Variants in FAM24B observed in about 807,000 individuals in gnomAD.
The protein encoded by FAM24B is protein FAM24B.
In FAM24B, 3 loss-of-function variants were observed where a neutral mutation model predicts 2.3. The ratio of observed to expected loss-of-function variants is 1.29; its 90% confidence interval spans 0.59 to 3.32. The LOEUF is 3.32. Ranked by LOEUF, FAM24B falls within the 30% of genes most tolerant of loss-of-function variation. The probability of loss-of-function intolerance (pLI) is 0.03; values close to 1 mark genes in which losing one functional copy is unlikely to be tolerated. For synonymous variants in FAM24B, 36 were observed against 46.3 expected (o/e 0.78, Z 0.90); for missense variants, 98 against 117.2 (o/e 0.84, Z 0.76).
intron 1 of FAM24B, among the ~76,000 whole-genome samples, 196 bp from the exon 2 acceptor site, chr10:122,855,982 G>A (rs975187325): frequency 3.3e-5 from 5 of 152,202 alleles, no homozygotes; most frequent in African/African-American, 1.2e-4. Flanking sequence ...GAGCCACCAG[G>A]CTGAGAACAT....
intron 2 of FAM24B, among the ~76,000 whole-genome samples, chr10:122,854,734 G>GT (rs1340002675): frequency 6.6e-5 from 10 of 152,194 alleles, no homozygotes; most frequent in African/African-American, 2.4e-4. Flanking sequence ...GAATCAGTGA[G>GT]TTCAACTTTG....
chr10:122,865,940 G>A (rs1050481176), intron 1 of FAM24B, among the ~76,000 whole-genome samples: 4 of 148,176 alleles, frequency 2.7e-5, no homozygotes, highest in African/African-American at 1.0e-4. Context: ...TGGAGTCTCT[G>A]TTGCCCAGCT....
intron 1 of FAM24B, among the ~76,000 whole-genome samples, chr10:122,870,098 C>T (rs901020516): frequency 2.6e-5 from 4 of 152,022 alleles, no homozygotes; most frequent in Non-Finnish European, 4.4e-5. Context: ...AAATGACAAA[C>T]GGGATATCAC....
intron 1 of FAM24B, among the ~76,000 whole-genome samples, chr10:122,866,988 G>A (rs1566260433): frequency 6.6e-6 from 1 of 152,106 alleles, no homozygotes; most frequent in Non-Finnish European, 1.5e-5. Flanking sequence ...TTACCAAGTT[G>A]GAATGCAAAT....
rs754853891 is a variant in FAM24B, at chr10:122,849,456, C to T, written c.93-17G>A. On this transcript the variant is annotated splice_polypyrimidine_tract_variant and intron_variant, in intron 3 of 3. Transcript: ENST00000368898. ...TTTGCAGCTCTTGAGAAAAGACACA[C>T]ACAAAGCACAGGCTTAGAATTTTTC... is the stretch of plus-strand genomic sequence containing the variant. 1.8e-5 allele frequency: 28 copies of T among 1,595,662 alleles called. 1 individual carries two copies. The South Asian group carries it at 2.7e-4, about 16-fold the overall frequency.
At position 122,850,511 on chromosome 10, in the gene FAM24B, G is replaced by A. The variant is rs1891110; in HGVS notation, c.5C>T (p.Pro2Leu). The change falls in exon 3 of 4, where the codon CCT (proline) becomes CTT (leucine). Residue 2 changes from proline to leucine, a missense_variant. Coordinates refer to ENST00000368898, the MANE Select transcript of FAM24B (RefSeq NM_152644.3). The stretch of plus-strand genomic sequence containing the variant: ...CGCCAGGATACCACCAGCGATGACA[G>A]GCATAATCACTGTATGGAGGTCAAA... MPVIAGGILAAL... is the reference protein window; with the variant it reads MLVIAGGILAAL... 0.55 allele frequency: 879,120 copies of A among 1,608,986 alleles called. 242,110 individuals carry two copies. The highest frequency in any genetic ancestry group is 0.56 in the Non-Finnish European group (652,633 of 1,175,534).
intron 1 of FAM24B, among the ~76,000 whole-genome samples, chr10:122,865,736 A>G (rs2133835242): frequency 6.6e-6 from 1 of 152,164 alleles, no homozygotes; most frequent in East Asian, 1.9e-4. Context: ...AAGTGAACTC[A>G]TCTGGTCCTG....
At chr10:122,862,418 G>A (rs767450089) in intron 1 of FAM24B, among the ~76,000 whole-genome samples, 15 of 152,098 alleles carry the variant, frequency 9.9e-5, no homozygotes, top group Non-Finnish European at 1.9e-4. Flanking sequence ...TTAGAAATCT[G>A]GAGGAGAAAG....
chr10:122,854,792 T>G (rs1847608760), intron 2 of FAM24B, among the ~76,000 whole-genome samples: 1 of 152,192 alleles, frequency 6.6e-6, no homozygotes, highest in African/African-American at 2.4e-5. Context: ...CTATGGAAAT[T>G]CTCTGTAATA....
intron 1 of FAM24B, among the ~76,000 whole-genome samples, chr10:122,871,517 C>G (rs113941390): frequency 7.9e-5 from 12 of 151,356 alleles, no homozygotes; most frequent in African/African-American, 2.9e-4. Context: ...GGAGGCATCA[C>G]GCTACCTGAC....
chr10:122,869,158 A>G (rs1334318282), intron 1 of FAM24B, among the ~76,000 whole-genome samples: 2 of 152,178 alleles, frequency 1.3e-5, no homozygotes, highest in African/African-American at 4.8e-5. Flanking sequence ...AACAGACTTT[A>G]AACCAACAAA....
chr10:122,868,977 G>A (rs1484198731), intron 1 of FAM24B, among the ~76,000 whole-genome samples: 24 of 152,016 alleles, frequency 1.6e-4, no homozygotes, highest in Non-Finnish European at 3.2e-4. Context: ...CAATTAAAAG[G>A]CACAGACTGG....
At chr10:122,854,955 C>T (rs1412151929) in intron 2 of FAM24B, among the ~76,000 whole-genome samples, 1 of 152,238 alleles carries the variant, frequency 6.6e-6, no homozygotes, top group Non-Finnish European at 1.5e-5. Context: ...TCCAAAACTA[C>T]ATAAGCCTGT....
intron 2 of FAM24B, 118 bp from the exon 3 acceptor site, chr10:122,850,668 T>A (rs1191164634): frequency 1.6e-6 from 1 of 615,496 alleles, no homozygotes; most frequent in East Asian, 2.7e-5. Flanking sequence ...TCCTTATGTG[T>A]GTAAAACACA....
At position 122,865,113 on chromosome 10, in the gene FAM24B, T is replaced by C. The variant is rs1589673401; in HGVS notation, c.-177-9327A>G. Among the ~76,000 whole-genome samples the C allele has an allele frequency of 2.0e-5, 3 of 152,350 alleles. No individual in the cohort carries two copies. In the East Asian group the frequency reaches 5.8e-4, roughly 29 times the overall value. On this transcript the variant is annotated intron_variant, in intron 1 of 3. Coordinates refer to ENST00000368898, the MANE Select transcript of FAM24B (RefSeq NM_152644.3). ...CAACTGCTGAGTCATTATGTACCATTTAAAATTCCAACCAGCAGTGAATAA... is the reference window on the plus strand; with the variant it reads ...CAACTGCTGAGTCATTATGTACCATCTAAAATTCCAACCAGCAGTGAATAA...
chr10:122,869,496 ACAC>A (rs1847856375), intron 1 of FAM24B, among the ~76,000 whole-genome samples: 2 of 152,212 alleles, frequency 1.3e-5, no homozygotes, highest in South Asian at 4.1e-4. Flanking sequence ...TTTAAGCACC[ACAC>A]CACACCTATT....
chr10:122,861,598 T>G (rs1365848369), intron 1 of FAM24B, among the ~76,000 whole-genome samples: 2 of 152,232 alleles, frequency 1.3e-5, no homozygotes, highest in African/African-American at 4.8e-5. Flanking sequence ...TATTTAGATA[T>G]TCTTTGATTA....
chr10:122,856,040 A>G (rs1338305091), intron 1 of FAM24B, among the ~76,000 whole-genome samples: 2 of 152,246 alleles, frequency 1.3e-5, no homozygotes, highest in Non-Finnish European at 2.9e-5. Context: ...AAAAGCCAAG[A>G]GTGTACATAA....
intron 1 of FAM24B, among the ~76,000 whole-genome samples, chr10:122,869,641 C>T (rs1847859123): frequency 1.3e-5 from 2 of 152,012 alleles, no homozygotes; most frequent in South Asian, 2.1e-4. Flanking sequence ...CACTCAAAAG[C>T]GCTCAACTAC....
Sources: allele counts gnomAD v4.1 joint callset (sites outside exome capture counted in the v4.1 genomes callset), GRCh38; gene constraint gnomAD v4.1.1; transcripts MANE v1.5; gene names NCBI Gene and HGNC (gene_info 2026-07-23, HGNC 2026-07-21).